MDFIC2: variants seen among roughly 807,000 people sequenced by gnomAD.
The protein encoded by MDFIC2 is myoD family inhibitor domain-containing protein 2.
intron 2 of MDFIC2, among the ~76,000 whole-genome samples, chr3:70,256,490 A>G (rs1701817542): frequency 6.6e-6 from 1 of 152,216 alleles, no homozygotes; most frequent in South Asian, 2.1e-4. Context: ...TCAGGACCTC[A>G]TTTAGTTCAT....
chr3:70,288,258 G>T (rs1702189357), intron 2 of MDFIC2, among the ~76,000 whole-genome samples: 1 of 126,906 alleles, frequency 7.9e-6, no homozygotes, highest in Non-Finnish European at 1.6e-5. Context: ...GGTATGTTGT[G>T]TCTTTGTTCT....
At chr3:70,269,975 G>A (rs867316188) in intron 2 of MDFIC2, among the ~76,000 whole-genome samples, 3 of 152,090 alleles carry the variant, frequency 2.0e-5, no homozygotes, top group South Asian at 2.1e-4. Flanking sequence ...CAAATAAAGA[G>A]AAGGAAGGGA....
At chr3:70,251,373 A>G in intron 2 of MDFIC2, among the ~76,000 whole-genome samples, 1 of 152,152 alleles carries the variant, frequency 6.6e-6, no homozygotes, top group East Asian at 1.9e-4. Context: ...TAGGGGGACT[A>G]TCTGATTTTT....
rs1424110707 is a variant in MDFIC2 at position 70,196,029 on chromosome 3, CT to C, written c.*896del. Among the ~76,000 whole-genome samples the C allele has an allele frequency of 6.6e-6, 1 of 152,174 alleles. No homozygotes were observed. Among genetic ancestry groups the C allele is most frequent in the Non-Finnish European group, 1.5e-5 (1 of 68,028 alleles). ...TGGTGCTGAATAAGTACCCTCAACG[CT>C]TATTTCTTTCTGGTGTCTATACAAA... On this transcript the variant is annotated 3_prime_UTR_variant, in exon 4 of 4. Transcript: ENST00000567252.
intron 2 of MDFIC2, among the ~76,000 whole-genome samples, chr3:70,279,524 T>G (rs1173938440): frequency 6.6e-6 from 1 of 152,194 alleles, no homozygotes; most frequent in African/African-American, 2.4e-5. Context: ...CACTACTTTC[T>G]TCTTGCCAAA....
chr3:70,249,743 A>G (rs1361150131), intron 2 of MDFIC2: 1 of 152,184 alleles, frequency 6.6e-6, no homozygotes, highest in Non-Finnish European at 1.5e-5. Flanking sequence ...TATGGCGCGA[A>G]GCCTGTTTGC....
At chr3:70,310,335 T>G (rs1382547168) in intron 2 of MDFIC2, among the ~76,000 whole-genome samples, 3 of 151,826 alleles carry the variant, frequency 2.0e-5, no homozygotes, top group Non-Finnish European at 2.9e-5. Flanking sequence ...CTTTTTAAAA[T>G]AAGTATATTT....
intron 2 of MDFIC2, among the ~76,000 whole-genome samples, chr3:70,270,189 C>T (rs1701963281): frequency 6.6e-6 from 1 of 152,020 alleles, no homozygotes; most frequent in South Asian, 2.1e-4. Context: ...AGACTAACAA[C>T]TTTGAAAAAA....
At chr3:70,277,855 A>T (rs1378712100) in intron 2 of MDFIC2, among the ~76,000 whole-genome samples, 1 of 152,140 alleles carries the variant, frequency 6.6e-6, no homozygotes, top group East Asian at 1.9e-4. Context: ...AAAGGGCAAG[A>T]CAGATCTGAT....
chr3:70,202,599 T>C (rs1032281962), intron 3 of MDFIC2, among the ~76,000 whole-genome samples: 1 of 152,148 alleles, frequency 6.6e-6, no homozygotes, highest in Non-Finnish European at 1.5e-5. Context: ...TCCTATTCCT[T>C]AAACCTGAAT....
At chr3:70,225,526 G>A (rs1258119199) in intron 2 of MDFIC2, among the ~76,000 whole-genome samples, 1 of 152,118 alleles carries the variant, frequency 6.6e-6, no homozygotes, top group African/African-American at 2.4e-5. Flanking sequence ...GTTTAAGAAA[G>A]CAACGGTGTG....
At chr3:70,297,926 G>A (rs947098486) in intron 2 of MDFIC2, among the ~76,000 whole-genome samples, 8 of 152,066 alleles carry the variant, frequency 5.3e-5, no homozygotes, top group Non-Finnish European at 2.9e-5. Context: ...ATGGTTTAAA[G>A]CTTTTAGAGA....
At chr3:70,219,717 C>T (rs760727563) in intron 2 of MDFIC2, among the ~76,000 whole-genome samples, 1 of 152,138 alleles carries the variant, frequency 6.6e-6, no homozygotes, top group Non-Finnish European at 1.5e-5. Context: ...AGAATTGACA[C>T]TGCAGAAAAT....
At chr3:70,308,134 C>T (rs1388281263) in intron 2 of MDFIC2, among the ~76,000 whole-genome samples, 1 of 152,192 alleles carries the variant, frequency 6.6e-6, no homozygotes, top group Admixed American at 6.5e-5. Flanking sequence ...TCACTGCAGC[C>T]TCAACCTCCC....
At chr3:70,224,397 A>G (rs557689380) in intron 2 of MDFIC2, among the ~76,000 whole-genome samples, 1 of 152,212 alleles carries the variant, frequency 6.6e-6, no homozygotes, top group East Asian at 1.9e-4. Flanking sequence ...ATGTTCTCCT[A>G]CCTATTCTAG....
intron 2 of MDFIC2, chr3:70,249,592 A>T (rs1701740499): frequency 6.6e-6 from 1 of 151,970 alleles, no homozygotes; most frequent in Admixed American, 6.6e-5. Flanking sequence ...ATATCATTGC[A>T]GGTGCCCCTG....
intron 2 of MDFIC2, among the ~76,000 whole-genome samples, chr3:70,210,620 C>A (rs1701333644): frequency 6.6e-6 from 1 of 152,098 alleles, no homozygotes; most frequent in African/African-American, 2.4e-5. Context: ...AGTGTCATAT[C>A]TTCTGTAGAG....
intron 2 of MDFIC2, among the ~76,000 whole-genome samples, chr3:70,265,628 G>A (rs77335725): frequency 6.6e-6 from 1 of 152,126 alleles, no homozygotes; most frequent in Non-Finnish European, 1.5e-5. Flanking sequence ...AGCAGATAAG[G>A]GACATTTTCT....
At chr3:70,270,716 C>T (rs952783305) in intron 2 of MDFIC2, among the ~76,000 whole-genome samples, 13 of 152,032 alleles carry the variant, frequency 8.6e-5, no homozygotes, top group Non-Finnish European at 1.0e-4. Context: ...ATAAAAAGGA[C>T]GAGTTCATGT....
Sources: gnomAD v4.1 joint callset for allele counts (sites outside exome capture counted in the v4.1 genomes callset) on GRCh38, gnomAD v4.1.1 for gene constraint, MANE v1.5 for transcripts, NCBI Gene and HGNC (gene_info 2026-07-23, HGNC 2026-07-21) for gene names.